SGMS1: variants seen among roughly 807,000 people sequenced by gnomAD.
SGMS1 encodes sphingomyelin synthase 1, also known as phosphatidylcholine:ceramide cholinephosphotransferase 1.
In SGMS1, 13 loss-of-function variants were observed where a neutral mutation model predicts 46.2. That is an observed-to-expected ratio of 0.28 (90% CI 0.18 to 0.45). SGMS1 has a LOEUF of 0.45. Ranked by LOEUF, SGMS1 falls within the 20% of genes least tolerant of loss-of-function variation. The pLI is 1.00. For synonymous variants in SGMS1, 203 were observed against 187.8 expected, an observed-to-expected ratio of 1.08 and a Z score of -0.66; for missense variants, 324 against 519.9, an observed-to-expected ratio of 0.62 and a Z score of 3.66.
intron 3 of SGMS1, among the ~76,000 whole-genome samples, chr10:50,495,732 T>G (rs935793709): frequency 4.6e-5 from 7 of 151,342 alleles, no homozygotes; most frequent in African/African-American, 1.7e-4. Flanking sequence ...TGAATAGATT[T>G]CTCTGGCTGA....
At chr10:50,400,469 AGACAAGGTTCTCGCTCTGTCAC>A (rs1848920456) in intron 6 of SGMS1, among the ~76,000 whole-genome samples, 1 of 123,196 alleles carries the variant, frequency 8.1e-6, no homozygotes, top group Non-Finnish European at 1.7e-5. Flanking sequence ...TTTTTTTAAG[AGACAAGGTTCTCGCTCTGTCAC>A]CCAGGCTGCA....
chr10:50,531,820 C>T (rs1268967420), intron 2 of SGMS1, among the ~76,000 whole-genome samples: 1 of 152,160 alleles, frequency 6.6e-6, no homozygotes, highest in Non-Finnish European at 1.5e-5. Flanking sequence ...TGCCAGATAG[C>T]TTTAATCCAA....
chr10:50,316,890 G>A (rs755987864), intron 8 of SGMS1, among the ~76,000 whole-genome samples: 2 of 152,104 alleles, frequency 1.3e-5, no homozygotes, highest in Non-Finnish European at 2.9e-5. Context: ...GCCCAAAACA[G>A]CAAAACTATG....
At chr10:50,414,284 G>C (rs954271070) in intron 6 of SGMS1, among the ~76,000 whole-genome samples, 1 of 152,202 alleles carries the variant, frequency 6.6e-6, no homozygotes, top group Non-Finnish European at 1.5e-5. Context: ...CACACCTGTA[G>C]TCTCAGCTAC....
rs1158426356 is a variant in SGMS1 at position 50,471,553 on chromosome 10, A to C, written c.-497-4621T>G. 2.6e-5 allele frequency among the ~76,000 whole-genome samples: 4 copies of C among 152,348 alleles called. No individual in the cohort carries two copies. In the East Asian group the frequency reaches 7.7e-4, roughly 29 times the overall value. ...ACACTTTTCCTGGTTTACTGGTGGA[A>C]TTAGTGTGTATGAGATATAAAAAAG... On this transcript the variant is annotated intron_variant, in intron 3 of 10. Coordinates refer to ENST00000361781, the MANE Select transcript of SGMS1 (RefSeq NM_147156.4).
At chr10:50,551,727 C>T (rs374215672) in intron 2 of SGMS1, among the ~76,000 whole-genome samples, 17 of 152,180 alleles carry the variant, frequency 1.1e-4, no homozygotes, top group African/African-American at 3.9e-4. Flanking sequence ...CCCTCCCATA[C>T]CCCATACCCA....
At chr10:50,604,794 A>G (rs1032844966) in intron 1 of SGMS1, among the ~76,000 whole-genome samples, 1 of 152,348 alleles carries the variant, frequency 6.6e-6, no homozygotes, top group East Asian at 1.9e-4. Context: ...ATCTACACAT[A>G]CACCCATCAG....
chr10:50,311,980 T>C (rs1847261397), intron 8 of SGMS1, among the ~76,000 whole-genome samples: 1 of 152,150 alleles, frequency 6.6e-6, no homozygotes, highest in Non-Finnish European at 1.5e-5. Flanking sequence ...CATTGAATAA[T>C]TTTCCAGATT....
intron 2 of SGMS1, among the ~76,000 whole-genome samples, chr10:50,561,462 A>G (rs1766845450): frequency 6.6e-6 from 1 of 152,250 alleles, no homozygotes; most frequent in Non-Finnish European, 1.5e-5. Context: ...GATTCCTTCC[A>G]GCTCAAACCT....
At chr10:50,515,915 A>G (rs367610184) in intron 3 of SGMS1, among the ~76,000 whole-genome samples, 21 of 152,318 alleles carry the variant, frequency 1.4e-4, no homozygotes, top group African/African-American at 5.1e-4. Flanking sequence ...CAATTCCTCA[A>G]AGAATCTCTC....
intron 1 of SGMS1, among the ~76,000 whole-genome samples, chr10:50,617,584 GTATT>G (rs1445780351): frequency 6.6e-6 from 1 of 152,026 alleles, no homozygotes; most frequent in South Asian, 2.1e-4. Flanking sequence ...TTTTATTTAT[GTATT>G]TATTTATTTA....
At chr10:50,348,109 G>T (rs538540510) in intron 6 of SGMS1, among the ~76,000 whole-genome samples, 13 of 152,244 alleles carry the variant, frequency 8.5e-5, no homozygotes, top group Admixed American at 6.5e-5. Context: ...AGAACATGTG[G>T]TTTTTGGTTT....
chr10:50,544,406 TA>T (rs1838082317), intron 2 of SGMS1, among the ~76,000 whole-genome samples: 1 of 152,232 alleles, frequency 6.6e-6, no homozygotes. Context: ...AATGCTACAT[TA>T]ACCAGGACAT....
At chr10:50,378,757 A>C (rs573507499) in intron 6 of SGMS1, among the ~76,000 whole-genome samples, 28 of 152,312 alleles carry the variant, frequency 1.8e-4, no homozygotes, top group African/African-American at 6.7e-4. Flanking sequence ...AGTGAATAGG[A>C]GTACTTTCTC....
chr10:50,418,832 G>A (rs11005595), intron 6 of SGMS1, among the ~76,000 whole-genome samples: 17,783 of 152,046 alleles, frequency 0.12, 1,190 homozygotes, highest in Middle Eastern at 0.21. Flanking sequence ...TCAATGAGGG[G>A]GCTAAAATGC....
At position 50,317,416 on chromosome 10, in the gene SGMS1, C is replaced by T. The variant is rs77866475; in HGVS notation, c.742-6001G>A. On this transcript the variant is annotated intron_variant, in intron 8 of 10. Transcript: ENST00000361781. Reference sequence around the variant, plus strand: ...CTTCACAAGCTTGTCAGTTGGTGAGCGTAGTTGTTACTATGCCCATTTAAA... The same window carrying T: ...CTTCACAAGCTTGTCAGTTGGTGAGTGTAGTTGTTACTATGCCCATTTAAA... 9.9e-5 allele frequency among the ~76,000 whole-genome samples: 15 copies of T among 152,264 alleles called. 1 individual carries two copies. The East Asian group carries it at 1.7e-3, about 18-fold the overall frequency.
intron 2 of SGMS1, among the ~76,000 whole-genome samples, chr10:50,558,918 C>T (rs554491607): frequency 2.6e-5 from 4 of 152,052 alleles, no homozygotes; most frequent in East Asian, 1.9e-4. Flanking sequence ...GTAAGGTTTC[C>T]GGTCAAGAGT....
At chr10:50,620,410 C>A (rs915148743) in intron 1 of SGMS1, among the ~76,000 whole-genome samples, 1 of 152,094 alleles carries the variant, frequency 6.6e-6, no homozygotes, top group African/African-American at 2.4e-5. Flanking sequence ...AGCTACCATC[C>A]AAAAAAGGCA....
intron 6 of SGMS1, among the ~76,000 whole-genome samples, chr10:50,425,951 G>A (rs1849320189): frequency 6.6e-6 from 1 of 152,086 alleles, no homozygotes; most frequent in South Asian, 2.1e-4. Context: ...AAAAATATAT[G>A]TACAAAGATA....
Sources: gnomAD v4.1 joint callset for allele counts (sites outside exome capture counted in the v4.1 genomes callset) on GRCh38, gnomAD v4.1.1 for gene constraint, MANE v1.5 for transcripts, NCBI Gene and HGNC (gene_info 2026-07-23, HGNC 2026-07-21) for gene names.